Variants in KIF6 observed in about 807,000 individuals in gnomAD.
KIF6 encodes the protein kinesin family member 6, also known as kinesin-like protein KIF6.
In KIF6, 106 loss-of-function variants were observed where a neutral mutation model predicts 112.7. That is an observed-to-expected ratio of 0.94 (90% CI 0.80 to 1.11). The LOEUF (loss-of-function observed/expected upper bound fraction) is 1.11. KIF6 is among the 50% of genes least tolerant of loss of function. The probability of loss-of-function intolerance (pLI) is 0.00; values close to 1 mark genes in which losing one functional copy is unlikely to be tolerated. For missense variants in KIF6, 929 were observed against 964.0 expected (o/e 0.96, Z 0.48); for synonymous variants, 339 against 339.9 (o/e 1.00, Z 0.03).
At chr6:39,567,077 G>C (rs865809717) in intron 10 of KIF6, among the ~76,000 whole-genome samples, 1 of 152,114 alleles carries the variant, frequency 6.6e-6, no homozygotes, top group Non-Finnish European at 1.5e-5. Context: ...AACATGATTT[G>C]CTTCTTTGTT....
rs893014684 is a variant in KIF6, at chr6:39,438,639, A to G, written c.1646-7478T>C. On this transcript the variant is annotated intron_variant, in intron 13 of 22. Transcript: ENST00000287152. Reference sequence around the variant, plus strand: ...TTAAGCTAAGTGTTATTACAGAATTAAAAAGTTAAAAAAATTAGGCTTATA... The same window carrying G: ...TTAAGCTAAGTGTTATTACAGAATTGAAAAGTTAAAAAAATTAGGCTTATA... Among the ~76,000 whole-genome samples, 17 of 152,386 alleles carry G rather than the reference A, an allele frequency of 1.1e-4. No homozygotes were observed. In the South Asian group the frequency reaches 1.4e-3, roughly 13 times the overall value.
intron 4 of KIF6, among the ~76,000 whole-genome samples, chr6:39,639,148 T>G (rs1332862810): frequency 6.6e-6 from 1 of 152,124 alleles, no homozygotes. Flanking sequence ...TAGATAACCC[T>G]TTTTTACAAT....
intron 7 of KIF6, among the ~76,000 whole-genome samples, chr6:39,595,845 T>C (rs906273608): frequency 4.6e-5 from 7 of 152,158 alleles, no homozygotes; most frequent in African/African-American, 1.4e-4. Context: ...TAAAAGACTT[T>C]CAGAAATGGA....
intron 3 of KIF6, among the ~76,000 whole-genome samples, chr6:39,653,658 G>T (rs1785601425): frequency 6.6e-6 from 1 of 152,182 alleles, no homozygotes; most frequent in African/African-American, 2.4e-5. Context: ...TACACAAAAG[G>T]TAAGGTCAAG....
At chr6:39,475,396 G>A (rs1344386769) in intron 13 of KIF6, among the ~76,000 whole-genome samples, 2 of 152,180 alleles carry the variant, frequency 1.3e-5, no homozygotes, top group Non-Finnish European at 2.9e-5. Flanking sequence ...AAGAACCAGT[G>A]ATGGAAAGTT....
chr6:39,637,339 C>T (rs1784673207), intron 4 of KIF6, among the ~76,000 whole-genome samples: 2 of 151,982 alleles, frequency 1.3e-5, no homozygotes, highest in South Asian at 2.1e-4. Context: ...TGGCAAGCTA[C>T]CTTTCCTTAT....
intron 13 of KIF6, among the ~76,000 whole-genome samples, chr6:39,516,662 CAT>C (rs1266277889): frequency 5.3e-5 from 8 of 152,008 alleles, no homozygotes; most frequent in African/African-American, 9.7e-5. Context: ...AAAAGGAAAA[CAT>C]GTGCAAGTAT....
intron 10 of KIF6, among the ~76,000 whole-genome samples, chr6:39,564,523 T>C (rs889166242): frequency 6.6e-6 from 1 of 152,164 alleles, no homozygotes; most frequent in Non-Finnish European, 1.5e-5. Context: ...TCTTGGGGAA[T>C]GTTTGTCTTT....
At chr6:39,605,580 T>C (rs923470139) in intron 6 of KIF6, among the ~76,000 whole-genome samples, 1 of 152,080 alleles carries the variant, frequency 6.6e-6, no homozygotes, top group African/African-American at 2.4e-5. Flanking sequence ...TCCATTTGTA[T>C]CATTTTGTTC....
At chr6:39,413,842 G>A (rs921068465) in intron 15 of KIF6, among the ~76,000 whole-genome samples, 1 of 152,068 alleles carries the variant, frequency 6.6e-6, no homozygotes, top group African/African-American at 2.4e-5. Context: ...TGCAAGTTGG[G>A]TACAAAAAAT....
intron 3 of KIF6, among the ~76,000 whole-genome samples, chr6:39,671,433 G>C (rs145357789): frequency 6.6e-6 from 1 of 152,258 alleles, no homozygotes; most frequent in Non-Finnish European, 1.5e-5. Flanking sequence ...AGTTATCTCC[G>C]TGAGGGTATT....
At chr6:39,447,390 C>T (rs1284136412) in intron 13 of KIF6, among the ~76,000 whole-genome samples, 2 of 152,196 alleles carry the variant, frequency 1.3e-5, no homozygotes, top group African/African-American at 4.8e-5. Flanking sequence ...TCCTGGCCTT[C>T]TTCCCTGAAC....
chr6:39,605,689 G>T (rs1582254208), intron 6 of KIF6, among the ~76,000 whole-genome samples: 1 of 152,166 alleles, frequency 6.6e-6, no homozygotes, highest in Non-Finnish European at 1.5e-5. Context: ...TAAATTTTAG[G>T]ACAATGTCAC....
intron 5 of KIF6, among the ~76,000 whole-genome samples, chr6:39,627,837 C>A (rs1201427401): frequency 6.6e-6 from 1 of 152,006 alleles, no homozygotes; most frequent in Non-Finnish European, 1.5e-5. Flanking sequence ...CAGCTGAGAC[C>A]AACAGTTATC....
intron 10 of KIF6, among the ~76,000 whole-genome samples, chr6:39,568,239 A>G (rs967503177): frequency 6.6e-6 from 1 of 152,166 alleles, no homozygotes; most frequent in South Asian, 2.1e-4. Flanking sequence ...GGGGGTAACG[A>G]GTGACGGGGG....
intron 16 of KIF6, among the ~76,000 whole-genome samples, chr6:39,373,841 A>T (rs2150290600): frequency 6.6e-6 from 1 of 152,210 alleles, no homozygotes; most frequent in Middle Eastern, 3.4e-3. Flanking sequence ...CCTTATGAAA[A>T]CTCCAATGTT....
At chr6:39,408,185 G>T (rs537983282) in intron 15 of KIF6, among the ~76,000 whole-genome samples, 4 of 152,238 alleles carry the variant, frequency 2.6e-5, no homozygotes, top group African/African-American at 9.6e-5. Flanking sequence ...GCCATATTTT[G>T]CTCTCCAAAT....
chr6:39,445,096 AT>A (rs1198222581), intron 13 of KIF6, among the ~76,000 whole-genome samples: 1 of 152,248 alleles, frequency 6.6e-6, no homozygotes, highest in African/African-American at 2.4e-5. Flanking sequence ...GTTAGGTTCA[AT>A]TAAGTACGGT....
intron 13 of KIF6, among the ~76,000 whole-genome samples, chr6:39,495,953 A>G (rs1438877600): frequency 6.6e-6 from 1 of 152,234 alleles, no homozygotes; most frequent in Non-Finnish European, 1.5e-5. Context: ...AATAAGAAAG[A>G]AGAGTGAGAG....
Sources: allele counts gnomAD v4.1 joint callset (sites outside exome capture counted in the v4.1 genomes callset), GRCh38; gene constraint gnomAD v4.1.1; transcripts MANE v1.5; gene names NCBI Gene and HGNC (gene_info 2026-07-23, HGNC 2026-07-21).